CCR3: variants seen among roughly 807,000 people sequenced by gnomAD.
The protein encoded by CCR3 is C-C motif chemokine receptor 3.
For synonymous variants in CCR3, 203 were observed against 179.2 expected, an observed-to-expected ratio of 1.13 and a Z score of -1.06; for missense variants, 419 against 437.5, an observed-to-expected ratio of 0.96 and a Z score of 0.38.
At chr3:46,243,816 G>A (rs1339410178) in intron 1 of CCR3, among the ~76,000 whole-genome samples, 4 of 152,038 alleles carry the variant, frequency 2.6e-5, no homozygotes, top group East Asian at 3.8e-4. Context: ...ATTGGGTAAA[G>A]GGCACAAAGA....
chr3:46,259,386 G>T (rs1463421562), intron 1 of CCR3, among the ~76,000 whole-genome samples: 1 of 152,000 alleles, frequency 6.6e-6, no homozygotes, highest in East Asian at 1.9e-4. Flanking sequence ...GAAGAAATTT[G>T]GTTATTTCTG....
intron 2 of CCR3, among the ~76,000 whole-genome samples, chr3:46,221,598 T>C (rs1309214232): frequency 2.0e-5 from 3 of 152,178 alleles, no homozygotes; most frequent in Admixed American, 6.5e-5. Flanking sequence ...AGTTGAGGCA[T>C]CTTGAACCCA....
chr3:46,224,645 C>A (rs1269392041), intron 2 of CCR3, among the ~76,000 whole-genome samples: 11 of 146,116 alleles, frequency 7.5e-5, no homozygotes, highest in Non-Finnish European at 1.5e-5. Flanking sequence ...ACTGAGGCAG[C>A]AGAATTGCTT....
chr3:46,237,275 T>C (rs1372297005), intron 2 of CCR3, among the ~76,000 whole-genome samples: 2 of 152,222 alleles, frequency 1.3e-5, no homozygotes, highest in Non-Finnish European at 2.9e-5. Flanking sequence ...CATTTTTAGC[T>C]TTTTGATAGA....
At chr3:46,217,899 C>T (rs1402524912) in intron 2 of CCR3, among the ~76,000 whole-genome samples, 1 of 151,348 alleles carries the variant, frequency 6.6e-6, no homozygotes, top group Non-Finnish European at 1.5e-5. Context: ...GGCCACACCT[C>T]AAGGAACCAG....
rs767403282 is a variant in CCR3 at position 46,265,211 on chromosome 3, A to G, written c.53A>G (p.Asp18Gly). The change falls in exon 2 of 2, where the codon GAT becomes GGT. Residue 18 changes from aspartate to glycine, a missense_variant. By Grantham distance (94) the Asp-to-Gly change is moderately conservative (BLOSUM62 -1). Coordinates refer to ENST00000395940, the MANE Select transcript of CCR3 (RefSeq NM_178329.3). Reference protein sequence around the residue: ...VETFGTTSYYDDVGLLCEKAD... With the variant: ...VETFGTTSYYGDVGLLCEKAD... ...ACCTTTGGTACCACATCCTACTATG[A>G]TGACGTGGGCCTGCTCTGTGAAAAA... The G allele has an allele frequency of 6.7e-5, 108 of 1,613,900 alleles. 1 individual carries two copies. In the South Asian group the frequency reaches 1.2e-3, roughly 18 times the overall value.
At chr3:46,241,375 G>A (rs1339709193), upstream of CCR3, among the ~76,000 whole-genome samples, 2 of 152,158 alleles carry the variant, frequency 1.3e-5, no homozygotes, top group Non-Finnish European at 2.9e-5. Flanking sequence ...CAAATATTGG[G>A]TGAATACCTG....
intron 2 of CCR3, among the ~76,000 whole-genome samples, chr3:46,224,952 A>G (rs923116041): frequency 6.6e-6 from 1 of 152,168 alleles, no homozygotes; most frequent in Non-Finnish European, 1.5e-5. Context: ...GTAAATACCC[A>G]AGAGAAGTGC....
At chr3:46,244,494 C>A (rs557229299) in intron 1 of CCR3, among the ~76,000 whole-genome samples, 47 of 152,062 alleles carry the variant, frequency 3.1e-4, no homozygotes, top group African/African-American at 1.1e-3. Flanking sequence ...AAGGGTGGGG[C>A]CGTTTTATAG....
chr3:46,256,481 T>A (rs1010661821), intron 1 of CCR3, among the ~76,000 whole-genome samples: 2 of 152,254 alleles, frequency 1.3e-5, no homozygotes, highest in Non-Finnish European at 2.9e-5. Flanking sequence ...AACAATAATT[T>A]AAAAGACATT....
rs1700577591 is a variant in CCR3 at position 46,264,280 on chromosome 3, A to G, written c.-11-868A>G. 7.5e-6 allele frequency: 6 copies of G among 802,200 alleles called. No individual in the cohort carries two copies. In the East Asian group the frequency reaches 1.7e-4, roughly 23 times the overall value. 49.7% of individuals were successfully genotyped at this position (802,200 alleles called of 1,614,324 possible). ...CTAACTCAGCATCACCAGGGGCAAG[A>G]AAAGGAAAGTAACCTAAACTAATGC... On this transcript the variant is annotated intron_variant, in intron 1 of 1. Transcript: ENST00000395940.
At chr3:46,240,556 C>T (rs1195138208), upstream of CCR3, among the ~76,000 whole-genome samples, 3 of 152,190 alleles carry the variant, frequency 2.0e-5, no homozygotes, top group East Asian at 5.8e-4. Flanking sequence ...GTTTTCTAAA[C>T]CCTGTAGAAC....
At chr3:46,262,739 C>T (rs994867048) in intron 1 of CCR3, among the ~76,000 whole-genome samples, 1 of 152,192 alleles carries the variant, frequency 6.6e-6, no homozygotes, top group African/African-American at 2.4e-5. Context: ...ACTGCAGCCT[C>T]AACCTTCTAG....
At chr3:46,262,715 C>G (rs529998156) in intron 1 of CCR3, among the ~76,000 whole-genome samples, 2 of 152,006 alleles carry the variant, frequency 1.3e-5, no homozygotes, top group Admixed American at 1.3e-4. Flanking sequence ...AGTGCAGCGG[C>G]GTGATCACAG....
chr3:46,248,199 G>T (rs572451903), intron 1 of CCR3, among the ~76,000 whole-genome samples: 1 of 152,146 alleles, frequency 6.6e-6, no homozygotes, highest in Non-Finnish European at 1.5e-5. Context: ...ACTGAAGTCC[G>T]GGCCAGGAAT....
chr3:46,235,857 C>T (rs116705835), intron 2 of CCR3, among the ~76,000 whole-genome samples: 1,776 of 152,284 alleles, frequency 0.012, 44 homozygotes, highest in African/African-American at 0.04. Flanking sequence ...CATCTGCTGC[C>T]GAAGGCTCTA....
Position 46,265,712 on chromosome 3 carries a change from C to T in CCR3, c.554C>T (p.Ala185Val), listed in dbSNP as rs558171934. Residue 185 changes from alanine to valine, a missense_variant, in exon 2 of 2, where the codon GCT (alanine) becomes GTT (valine). Coordinates refer to ENST00000395940, the MANE Select transcript of CCR3 (RefSeq NM_178329.3). ...EELFEETLCS[A>V]LYPEDTVYSW... ...TTGTTTGAAGAGACTCTTTGCAGTG[C>T]TCTTTACCCAGAGGATACAGTATAT... is the stretch of plus-strand genomic sequence containing the variant. The T allele has an allele frequency of 5.6e-6, 9 of 1,613,982 alleles. No homozygotes were observed. In the South Asian group the frequency reaches 8.8e-5, roughly 16 times the overall value.
chr3:46,242,998 T>TAC (rs1559531046), intron 1 of CCR3, among the ~76,000 whole-genome samples: 20 of 120,224 alleles, frequency 1.7e-4, no homozygotes, highest in African/African-American at 7.9e-4. Flanking sequence ...TATATATATA[T>TAC]ATATACGCAC....
At chr3:46,260,744 C>T (rs1457767336) in intron 1 of CCR3, among the ~76,000 whole-genome samples, 1 of 152,160 alleles carries the variant, frequency 6.6e-6, no homozygotes, top group Non-Finnish European at 1.5e-5. Flanking sequence ...CAACATGAGG[C>T]AGAGGAAATT....
Sources: allele counts gnomAD v4.1 joint callset (sites outside exome capture counted in the v4.1 genomes callset), GRCh38; gene constraint gnomAD v4.1.1; transcripts MANE v1.5; gene names NCBI Gene and HGNC (gene_info 2026-07-23, HGNC 2026-07-21).